The following OLFM3 variants were observed in gnomAD, a reference collection of about 807,000 sequenced individuals.
The protein encoded by OLFM3 is olfactomedin 3, also known as noelin-3.
Under a neutral mutation model 48.6 loss-of-function variants are expected in OLFM3, and 20 were observed. The observed-to-expected ratio is 0.41, with a 90% CI of 0.29 to 0.60. OLFM3 has a LOEUF of 0.60. OLFM3 is among the 20% of genes least tolerant of loss of function. The pLI is 0.28. For synonymous variants in OLFM3, 222 were observed against 198.1 expected, an observed-to-expected ratio of 1.12 and a Z score of -1.01; for missense variants, 437 against 544.3, an observed-to-expected ratio of 0.80 and a Z score of 1.96.
chr1:101,848,790 G>T (rs1042808630), intron 1 of OLFM3, among the ~76,000 whole-genome samples: 2 of 152,136 alleles, frequency 1.3e-5, no homozygotes, highest in South Asian at 4.1e-4. Context: ...AAGAAGGGGG[G>T]TGTCTTTTCA....
At chr1:101,971,010 A>T (rs1291308950) in intron 1 of OLFM3, among the ~76,000 whole-genome samples, 1 of 152,234 alleles carries the variant, frequency 6.6e-6, no homozygotes, top group African/African-American at 2.4e-5. Flanking sequence ...TCTATATGCC[A>T]TATAAAGGAG....
At chr1:101,858,906 A>G (rs1656536178) in intron 1 of OLFM3, among the ~76,000 whole-genome samples, 1 of 152,046 alleles carries the variant, frequency 6.6e-6, no homozygotes, top group South Asian at 2.1e-4. Flanking sequence ...ACAGTCATTA[A>G]CTGTTAGTGA....
intron 1 of OLFM3, among the ~76,000 whole-genome samples, chr1:101,849,609 A>G (rs1386648587): frequency 1.3e-5 from 2 of 152,232 alleles, no homozygotes; most frequent in East Asian, 3.8e-4. Context: ...GGCTGCAGAG[A>G]GTGCAAAGCA....
At chr1:101,949,625 C>T (rs561519195) in intron 1 of OLFM3, among the ~76,000 whole-genome samples, 2 of 152,146 alleles carry the variant, frequency 1.3e-5, no homozygotes, top group South Asian at 4.1e-4. Flanking sequence ...TCAAGCCATT[C>T]CTCTATTAAA....
At chr1:101,914,269 T>C (rs1454151466) in intron 1 of OLFM3, among the ~76,000 whole-genome samples, 1 of 152,178 alleles carries the variant, frequency 6.6e-6, no homozygotes, top group African/African-American at 2.4e-5. Flanking sequence ...TTCCCATCTC[T>C]TTGCTCCTAC....
chr1:101,919,990 T>C (rs1348707322), intron 1 of OLFM3, among the ~76,000 whole-genome samples: 1 of 152,208 alleles, frequency 6.6e-6, no homozygotes, highest in Non-Finnish European at 1.5e-5. Flanking sequence ...TAATTTACCT[T>C]GACTCTTTTC....
At chr1:101,956,394 C>A (rs1557745500) in intron 1 of OLFM3, among the ~76,000 whole-genome samples, 1 of 151,752 alleles carries the variant, frequency 6.6e-6, no homozygotes, top group Non-Finnish European at 1.5e-5. Flanking sequence ...CCATACTTTC[C>A]ACTGGACCCA....
At position 101,900,996 on chromosome 1, in the gene OLFM3, T is replaced by C. The variant is rs548530667; in HGVS notation, c.70-63971A>G. 1.1e-4 allele frequency among the ~76,000 whole-genome samples: 16 copies of C among 152,258 alleles called. No individual in the cohort carries two copies. In the South Asian group the frequency reaches 3.1e-3, roughly 30 times the overall value. ...ATTTTTGGATTCTCTATGACCTTTC[T>C]ATTTATCTTTAATCATATTCCTAGT... is the stretch of plus-strand genomic sequence containing the variant. On this transcript the variant is annotated intron_variant, in intron 1 of 5. Transcript: ENST00000370103.
chr1:101,869,737 T>C (rs961212522), intron 1 of OLFM3, among the ~76,000 whole-genome samples: 3 of 152,140 alleles, frequency 2.0e-5, no homozygotes, highest in African/African-American at 4.8e-5. Flanking sequence ...AATTGAATCA[T>C]GGGGGCAGTT....
chr1:101,940,135 A>T (rs1659742014), intron 1 of OLFM3, among the ~76,000 whole-genome samples: 1 of 152,116 alleles, frequency 6.6e-6, no homozygotes, highest in Non-Finnish European at 1.5e-5. Context: ...AAGTGCATGC[A>T]TTCTCCCTAA....
At chr1:101,920,389 T>G (rs1014305701) in intron 1 of OLFM3, among the ~76,000 whole-genome samples, 1 of 152,210 alleles carries the variant, frequency 6.6e-6, no homozygotes, top group South Asian at 2.1e-4. Flanking sequence ...TTCTCTCCCA[T>G]GAAGGCAGGG....
intron 1 of OLFM3, among the ~76,000 whole-genome samples, chr1:101,986,094 T>G (rs1320743670): frequency 6.6e-6 from 1 of 151,420 alleles, no homozygotes; most frequent in African/African-American, 2.4e-5. Context: ...GCCTCCCGAG[T>G]AGCTGGGACT....
chr1:101,814,265 G>GGT (rs1282213335), intron 4 of OLFM3, among the ~76,000 whole-genome samples: 1 of 141,446 alleles, frequency 7.1e-6, no homozygotes, highest in Admixed American at 7.6e-5. Flanking sequence ...ACCCAGCTAA[G>GGT]GTTTTTTTTT....
chr1:101,875,335 CTG>C (rs1290054751), intron 1 of OLFM3, among the ~76,000 whole-genome samples: 1 of 151,848 alleles, frequency 6.6e-6, no homozygotes, highest in East Asian at 1.9e-4. Context: ...CTACTGTGAA[CTG>C]TGGAGTTTAG....
chr1:101,881,919 C>T (rs1261793050), intron 1 of OLFM3, among the ~76,000 whole-genome samples: 1 of 151,650 alleles, frequency 6.6e-6, no homozygotes, highest in Non-Finnish European at 1.5e-5. Context: ...CCTCTCTTTG[C>T]CTGTAGGGTG....
chr1:101,840,117 A>C (rs1356088730), intron 1 of OLFM3, among the ~76,000 whole-genome samples: 3 of 152,200 alleles, frequency 2.0e-5, no homozygotes, highest in Non-Finnish European at 2.9e-5. Flanking sequence ...AAACCAACTA[A>C]GATCTCGGAT....
At chr1:101,958,175 G>C (rs1455137757) in intron 1 of OLFM3, among the ~76,000 whole-genome samples, 1 of 152,054 alleles carries the variant, frequency 6.6e-6, no homozygotes, top group Admixed American at 6.6e-5. Flanking sequence ...CACATTATAT[G>C]CTTTACTCAG....
At chr1:101,968,227 T>A (rs1446360236) in intron 1 of OLFM3, among the ~76,000 whole-genome samples, 3 of 152,210 alleles carry the variant, frequency 2.0e-5, no homozygotes. Flanking sequence ...CTTCTCTACC[T>A]ACATGATGCA....
intron 1 of OLFM3, among the ~76,000 whole-genome samples, chr1:101,993,515 G>A (rs1661472741): frequency 6.6e-6 from 1 of 152,084 alleles, no homozygotes. Context: ...GATTTGGCAT[G>A]TCGTCTATAA....
Sources: allele counts gnomAD v4.1 joint callset (sites outside exome capture counted in the v4.1 genomes callset), GRCh38; gene constraint gnomAD v4.1.1; transcripts MANE v1.5; gene names NCBI Gene and HGNC (gene_info 2026-07-23, HGNC 2026-07-21).